The following TLR4 variants were observed in gnomAD, a reference collection of about 807,000 sequenced individuals.
The protein encoded by TLR4 is toll like receptor 4, also known as toll-like receptor 4.
In TLR4, 17 loss-of-function variants were observed where a neutral mutation model predicts 27.4. The observed-to-expected ratio is 0.62, with a 90% CI of 0.42 to 0.93. The LOEUF (loss-of-function observed/expected upper bound fraction) is 0.93. Among genes scored for constraint, TLR4 ranks in the 40% least tolerant of loss-of-function variants. The probability of loss-of-function intolerance (pLI) is 0.00; values close to 1 mark genes in which losing one functional copy is unlikely to be tolerated. For missense variants in TLR4, 926 were observed against 962.3 expected, an observed-to-expected ratio of 0.96 and a Z score of 0.50; for synonymous variants, 363 against 365.7, an observed-to-expected ratio of 0.99 and a Z score of 0.08.
intron 1 of TLR4, among the ~76,000 whole-genome samples, chr9:117,705,402 T>C (rs1485389920): frequency 6.6e-6 from 1 of 152,178 alleles, no homozygotes; most frequent in African/African-American, 2.4e-5. Flanking sequence ...AATCAAGTAA[T>C]ATTTAGCAAA....
rs1167986004 is a variant in TLR4 at position 117,722,447 on chromosome 9, C to A, written c.*7799C>A. 1 of 152,158 alleles carries A rather than the reference C, an allele frequency of 6.6e-6. No individual in the cohort carries two copies. The highest frequency in any genetic ancestry group is 1.5e-5 in the Non-Finnish European group (1 of 68,046). The allele number at this position is 152,158 out of a possible 1,614,324, so 9.4% of individuals were successfully genotyped here. On this transcript the variant is annotated 3_prime_UTR_variant, in exon 3 of 3. Coordinates refer to ENST00000355622, the MANE Select transcript of TLR4 (RefSeq NM_138554.5). The stretch of plus-strand genomic sequence containing the variant: ...GGGAAACACCTGCTGTCAAAATTTT[C>A]CTGCTTGCAAAGAGCACTTTTGAAA...
intron 1 of TLR4, among the ~76,000 whole-genome samples, chr9:117,707,806 A>G (rs570234836): frequency 2.0e-5 from 3 of 152,242 alleles, no homozygotes; most frequent in African/African-American, 4.8e-5. Context: ...AATCTGGGCC[A>G]TGACTAAGGA....
rs1292573436 is a variant in TLR4, at chr9:117,712,761, C to T, written c.633C>T (p.Ser211=). 1.2e-6 allele frequency: 2 copies of T among 1,614,002 alleles called. No homozygotes were observed. The highest frequency in any genetic ancestry group is 8.5e-7 in the Non-Finnish European group (1 of 1,179,982). The change falls in exon 3 of 3, where the codon TCC becomes TCT. Residue 211 remains serine (S), a synonymous_variant. Transcript: ENST00000355622. Reference sequence around the variant, plus strand: ...TACTCAATCTCTCTTTAGACCTGTCCCTGAACCCTATGAACTTTATCCAAC... The same window carrying T: ...TACTCAATCTCTCTTTAGACCTGTCTCTGAACCCTATGAACTTTATCCAAC... ...MPLLNLSLDL[S]LNPMNFIQPG...
Position 117,714,921 on chromosome 9 carries a change from A to C in TLR4, c.*273A>C. ...AGAAAGTCATTTCAACTCTTACCTC[A>C]TCAAGTTGAATAAAGACAGAGAAAA... On this transcript the variant is annotated 3_prime_UTR_variant, in exon 3 of 3. Transcript: ENST00000355622. 1 of 490,432 alleles carries C rather than the reference A, an allele frequency of 2.0e-6. No individual in the cohort carries two copies. The highest frequency in any genetic ancestry group is 2.3e-5 in the South Asian group (1 of 43,002). 30.4% of individuals were successfully genotyped at this position (490,432 alleles called of 1,614,324 possible).
chr9:117,714,192 A>G lies in TLR4; in HGVS notation c.2064A>G (p.Val688=), dbSNP rs745958932. The G allele has an allele frequency of 3.1e-6, 5 of 1,612,532 alleles. No homozygotes were observed. The African/African-American group carries it at 6.7e-5, about 22-fold the overall frequency. ...VIYSSQDEDW[V]RNELVKNLEE... ...ACTCAAGCCAGGATGAGGACTGGGT[A>G]AGGAATGAGCTAGTAAAGAATTTAG... The change falls in exon 3 of 3, where the codon GTA becomes GTG. Residue 688 remains valine, a synonymous_variant. Transcript: ENST00000355622.
rs772653549 is a variant in TLR4, at chr9:117,719,143, T to G, written c.*4495T>G. The stretch of plus-strand genomic sequence containing the variant: ...TTCATGAAATGGAGGTAATAATACC[T>G]TGTTGGCAGACCTCACTTGGTTAAA... On this transcript the variant is annotated 3_prime_UTR_variant, in exon 3 of 3. Transcript: ENST00000355622. The G allele has an allele frequency of 3.3e-5, 5 of 152,220 alleles. No homozygotes were observed. Among genetic ancestry groups the G allele is most frequent in the Non-Finnish European group, 7.3e-5 (5 of 68,042 alleles). The allele number at this position is 152,220 out of a possible 1,614,324, so 9.4% of individuals were successfully genotyped here.
intron 2 of TLR4, among the ~76,000 whole-genome samples, chr9:117,711,362 G>A (rs747615657): frequency 6.6e-6 from 1 of 152,206 alleles, no homozygotes; most frequent in Non-Finnish European, 1.5e-5. Flanking sequence ...CACCTGCAAT[G>A]CTGAAAGGAA....
intron 1 of TLR4, among the ~76,000 whole-genome samples, chr9:117,707,083 C>G (rs999286296): frequency 2.6e-5 from 4 of 152,128 alleles, no homozygotes; most frequent in Admixed American, 2.6e-4. Flanking sequence ...CAATGGAATA[C>G]AGGAGATGAA....
rs1231030490 is a variant in TLR4 at position 117,706,127 on chromosome 9, C to T, written c.93+1562C>T. On this transcript the variant is annotated intron_variant, in intron 1 of 2. Coordinates refer to ENST00000355622, the MANE Select transcript of TLR4 (RefSeq NM_138554.5). ...TAGTATATGTTTTACATTTACCACA[C>T]TTCTCAATTTACACTATTCACATTT... Among the ~76,000 whole-genome samples the T allele has an allele frequency of 7.9e-5, 12 of 152,258 alleles. No individual in the cohort carries two copies. In the East Asian group the frequency reaches 2.3e-3, roughly 29 times the overall value.
intron 1 of TLR4, among the ~76,000 whole-genome samples, chr9:117,707,091 G>A (rs893427148): frequency 6.6e-5 from 10 of 152,188 alleles, no homozygotes; most frequent in African/African-American, 2.2e-4. Context: ...TACAGGAGAT[G>A]AACAATACGA....
At position 117,714,460 on chromosome 9, in the gene TLR4, C is replaced by T. The variant is rs199519992; in HGVS notation, c.2332C>T (p.Leu778=). The change falls in exon 3 of 3, where the codon CTG becomes TTG. Residue 778 remains leucine (L), a synonymous_variant. Coordinates refer to ENST00000355622, the MANE Select transcript of TLR4 (RefSeq NM_138554.5). ...FIVLQKVEKT[L]LRQQVELYRL... is the part of the protein sequence containing the mutation. ...TGTCCTGCAGAAGGTGGAGAAGACCCTGCTCAGGCAGCAGGTGGAGCTGTA... is the reference window on the plus strand; with the variant it reads ...TGTCCTGCAGAAGGTGGAGAAGACCTTGCTCAGGCAGCAGGTGGAGCTGTA... 1.5e-5 allele frequency: 24 copies of T among 1,613,892 alleles called. No homozygotes were observed. The highest frequency in any genetic ancestry group is 3.4e-4 in the Middle Eastern group (2 of 5,904).
In TLR4 at chr9:117,714,150, T is replaced by C. The variant is rs1345635589; in HGVS notation, c.2022T>C (p.Tyr674=). The change falls in exon 3 of 3, where the codon TAT becomes TAC. Residue 674 remains tyrosine, a synonymous_variant. Coordinates refer to ENST00000355622, the MANE Select transcript of TLR4 (RefSeq NM_138554.5). The part of the protein sequence containing the change: ...CIKYGRGENI[Y]DAFVIYSSQD... Reference sequence around the variant, plus strand: ...AGTATGGTAGAGGTGAAAACATCTATGATGCCTTTGTTATCTACTCAAGCC... The same window carrying C: ...AGTATGGTAGAGGTGAAAACATCTACGATGCCTTTGTTATCTACTCAAGCC... 6.2e-7 allele frequency: 1 copy of C among 1,613,988 alleles called. No individual in the cohort carries two copies. Among genetic ancestry groups the C allele is most frequent in the African/African-American group, 1.3e-5 (1 of 74,922 alleles).
chr9:117,708,269 T>C, intron 1 of TLR4: 2 of 1,174,096 alleles, frequency 1.7e-6, no homozygotes, highest in Non-Finnish European at 2.1e-6. Context: ...CCTCAGCCCT[T>C]CACCCCGATT....
At position 117,713,457 on chromosome 9, in the gene TLR4, C is replaced by T. The variant is rs5030716; in HGVS notation, c.1329C>T (p.Phe443=). The T allele has an allele frequency of 2.2e-3, 3,560 of 1,614,076 alleles. 10 individuals carry two copies. The highest frequency in any genetic ancestry group is 2.6e-3 in the Non-Finnish European group (3,127 of 1,180,010). The part of the protein sequence containing the change: ...NLKQMSEFSV[F]LSLRNLIYLD... ...AACAAATGAGTGAGTTTTCAGTATTCCTATCACTCAGAAACCTCATTTACC... is the reference window on the plus strand; with the variant it reads ...AACAAATGAGTGAGTTTTCAGTATTTCTATCACTCAGAAACCTCATTTACC... Residue 443 remains phenylalanine (F), a synonymous_variant, in exon 3 of 3, where the codon TTC becomes TTT. Coordinates refer to ENST00000355622, the MANE Select transcript of TLR4 (RefSeq NM_138554.5).
At position 117,712,457 on chromosome 9, in the gene TLR4, C is replaced by T; in HGVS notation, c.329C>T (p.Thr110Ile). Reference protein sequence around the residue: ...SLSHLSTLILTGNPIQSLALG... With the variant: ...SLSHLSTLILIGNPIQSLALG... ...AGCCACCTCTCTACCTTAATATTGA[C>T]AGGAAACCCCATCCAGAGTTTAGCC... is the stretch of plus-strand genomic sequence containing the variant. The change falls in exon 3 of 3, where the codon ACA (threonine) becomes ATA (isoleucine). Residue 110 changes from threonine to isoleucine, a missense_variant. Thr to Ile is a moderately conservative substitution (Grantham distance 89, BLOSUM62 -1). Coordinates refer to ENST00000355622, the MANE Select transcript of TLR4 (RefSeq NM_138554.5). 6.2e-7 allele frequency: 1 copy of T among 1,613,878 alleles called. No homozygotes were observed. The highest frequency in any genetic ancestry group is 8.5e-7 in the Non-Finnish European group (1 of 1,179,902).
chr9:117,706,870 A>G (rs1432762688), intron 1 of TLR4, among the ~76,000 whole-genome samples: 1 of 152,170 alleles, frequency 6.6e-6, no homozygotes. Context: ...GAGTCCATTG[A>G]AGTCTGGAGC....
rs11536870 is a variant in TLR4 at position 117,707,791 on chromosome 9, G to T, written c.94-772G>T. Reference sequence around the variant, plus strand: ...ATGAGCCAAGAAAAAGAATGCAGTTGTCAAAATCTGGGCCATGACTAAGGA... The same window carrying T: ...ATGAGCCAAGAAAAAGAATGCAGTTTTCAAAATCTGGGCCATGACTAAGGA... On this transcript the variant is annotated intron_variant, in intron 1 of 2. Coordinates refer to ENST00000355622, the MANE Select transcript of TLR4 (RefSeq NM_138554.5). 7.9e-5 allele frequency among the ~76,000 whole-genome samples: 12 copies of T among 152,310 alleles called. No individual in the cohort carries two copies. The East Asian group carries it at 9.6e-4, about 12-fold the overall frequency.
chr9:117,715,169 C>A lies in TLR4; in HGVS notation c.*521C>A, dbSNP rs1052811222. 1 of 164,236 alleles carries A rather than the reference C, an allele frequency of 6.1e-6. No individual in the cohort carries two copies. Among genetic ancestry groups the A allele is most frequent in the Non-Finnish European group, 1.3e-5 (1 of 74,128 alleles). The allele number at this position is 164,236 out of a possible 1,614,324, so 10.2% of individuals were successfully genotyped here. The stretch of plus-strand genomic sequence containing the variant: ...TCTGTCTCCTTACAGAGGTTAAAGT[C>A]TAGTGGCTAATTCCTAAGGAAACCT... On this transcript the variant is annotated 3_prime_UTR_variant, in exon 3 of 3. Coordinates refer to ENST00000355622, the MANE Select transcript of TLR4 (RefSeq NM_138554.5).
In TLR4 at chr9:117,708,590, A is replaced by G. The variant is rs199632734; in HGVS notation, c.121A>G (p.Met41Val). The G allele has an allele frequency of 5.6e-6, 9 of 1,613,872 alleles. No individual in the cohort carries two copies. In the East Asian group the frequency reaches 6.7e-5, roughly 12 times the overall value. Residue 41 changes from methionine to valine, a missense_variant, in exon 2 of 3, where the codon ATG becomes GTG. Met to Val is a conservative substitution (Grantham distance 21). Transcript: ENST00000355622. ...GGTTCCTAATATTACTTATCAATGC[A>G]TGGAGCTGAATTTCTACAAAATCCC... ...EVVPNITYQCMELNFYKIPDN... is the reference protein window; with the variant it reads ...EVVPNITYQCVELNFYKIPDN...
Sources: allele counts gnomAD v4.1 joint callset (sites outside exome capture counted in the v4.1 genomes callset), GRCh38; gene constraint gnomAD v4.1.1; transcripts MANE v1.5; gene names NCBI Gene and HGNC (gene_info 2026-07-23, HGNC 2026-07-21).